The following MAST4 variants were observed in gnomAD, a reference collection of about 807,000 sequenced individuals.
The protein encoded by MAST4 is microtubule associated serine/threonine kinase family member 4.
A neutral mutation model predicts 162.7 loss-of-function variants in MAST4; 89 were observed. The ratio of observed to expected loss-of-function variants is 0.55; its 90% CI spans 0.46 to 0.65. The LOEUF is 0.65. Among genes scored for constraint, MAST4 ranks in the 30% least tolerant of loss-of-function variants. The pLI is 0.00. For synonymous variants in MAST4, 1,479 were observed against 1,361.1 expected, an observed-to-expected ratio of 1.09 and a Z score of -1.91; for missense variants, 3,153 against 3,374.0, an observed-to-expected ratio of 0.93 and a Z score of 1.62.
intron 4 of MAST4, among the ~76,000 whole-genome samples, chr5:67,015,377 G>C (rs1050855346): frequency 6.6e-6 from 1 of 152,152 alleles, no homozygotes; most frequent in Non-Finnish European, 1.5e-5. Context: ...TGTTCCTTCA[G>C]CCACTTAACA....
intron 1 of MAST4, among the ~76,000 whole-genome samples, chr5:66,640,237 T>G (rs1454545466): frequency 6.6e-6 from 1 of 152,204 alleles, no homozygotes; most frequent in Non-Finnish European, 1.5e-5. Flanking sequence ...TTGTCACAAA[T>G]GGCAGAATCT....
At chr5:66,914,431 T>C (rs1715819676) in intron 4 of MAST4, among the ~76,000 whole-genome samples, 1 of 152,134 alleles carries the variant, frequency 6.6e-6, no homozygotes, top group African/African-American at 2.4e-5. Context: ...GGGACGTAGT[T>C]GGGTGGGTGG....
chr5:66,629,828 A>G (rs1744682721), intron 1 of MAST4, among the ~76,000 whole-genome samples: 1 of 152,208 alleles, frequency 6.6e-6, no homozygotes, highest in South Asian at 2.1e-4. Flanking sequence ...ACATTTGAAT[A>G]GGAATATAGT....
In MAST4 at chr5:67,031,313, G is replaced by A. The variant is rs903118147; in HGVS notation, c.675-23091G>A. ...TGGCAGAGGAGGGTCGTCTCTTGTC[G>A]CCTTTTTAGCCTGATTTATTGCCCT... On this transcript the variant is annotated intron_variant, in intron 4 of 28. Coordinates refer to ENST00000403625, the MANE Select transcript of MAST4 (RefSeq NM_001164664.2). Among the ~76,000 whole-genome samples, 4 of 152,050 alleles carry A rather than the reference G, an allele frequency of 2.6e-5. No homozygotes were observed. The East Asian group carries it at 5.8e-4, about 22-fold the overall frequency.
At chr5:66,697,883 AG>A (rs1749506005) in intron 1 of MAST4, among the ~76,000 whole-genome samples, 1 of 152,196 alleles carries the variant, frequency 6.6e-6, no homozygotes, top group East Asian at 1.9e-4. Flanking sequence ...ATGAGTACAA[AG>A]GGGGCCTGAA....
At chr5:66,817,168 C>A (rs1194834765) in intron 3 of MAST4, among the ~76,000 whole-genome samples, 1 of 152,152 alleles carries the variant, frequency 6.6e-6, no homozygotes, top group Non-Finnish European at 1.5e-5. Flanking sequence ...TTTCCTCTGT[C>A]TATTCTTAAC....
intron 1 of MAST4, among the ~76,000 whole-genome samples, chr5:66,639,401 A>G (rs940445550): frequency 5.3e-5 from 8 of 152,092 alleles, no homozygotes; most frequent in Non-Finnish European, 1.2e-4. Context: ...TGTTTTGTAC[A>G]TTTGATTTTT....
At chr5:66,931,918 C>T (rs772607232) in intron 4 of MAST4, among the ~76,000 whole-genome samples, 2 of 152,082 alleles carry the variant, frequency 1.3e-5, no homozygotes, top group Admixed American at 6.6e-5. Context: ...CCTGAAACCA[C>T]GTTATCTTCA....
At chr5:66,692,933 T>A (rs936324229) in intron 1 of MAST4, among the ~76,000 whole-genome samples, 1 of 151,886 alleles carries the variant, frequency 6.6e-6, no homozygotes, top group South Asian at 2.1e-4. Context: ...GTCCATTGAA[T>A]AATGAAATCT....
At chr5:67,008,544 G>A (rs1349580931) in intron 4 of MAST4, among the ~76,000 whole-genome samples, 1 of 152,204 alleles carries the variant, frequency 6.6e-6, no homozygotes, top group African/African-American at 2.4e-5. Context: ...GCAGTCTTGA[G>A]AATCCAGAAG....
chr5:67,000,182 C>A (rs1426351572), intron 4 of MAST4, among the ~76,000 whole-genome samples: 2 of 151,846 alleles, frequency 1.3e-5, no homozygotes, highest in African/African-American at 2.4e-5. Context: ...TTCTAGGTGC[C>A]CTGAAAATGG....
intron 5 of MAST4, among the ~76,000 whole-genome samples, chr5:67,080,533 T>C (rs949814274): frequency 6.6e-6 from 1 of 152,110 alleles, no homozygotes; most frequent in East Asian, 1.9e-4. Context: ...ATTTTCAGAT[T>C]GTCTACTAAA....
intron 1 of MAST4, among the ~76,000 whole-genome samples, chr5:66,599,069 A>T (rs1742386177): frequency 6.6e-6 from 1 of 152,202 alleles, no homozygotes; most frequent in Non-Finnish European, 1.5e-5. Flanking sequence ...GCGGCATGGG[A>T]TGCTGGAAAT....
intron 1 of MAST4, among the ~76,000 whole-genome samples, chr5:66,670,209 C>T (rs1747519662): frequency 3.3e-5 from 5 of 152,058 alleles, no homozygotes; most frequent in African/African-American, 9.7e-5. Flanking sequence ...GCAAATACGC[C>T]AAGGTCAAAT....
intron 18 of MAST4, among the ~76,000 whole-genome samples, chr5:67,135,192 T>A (rs1769461627): frequency 6.6e-6 from 1 of 152,240 alleles, no homozygotes; most frequent in Non-Finnish European, 1.5e-5. Flanking sequence ...ATCCACAGAT[T>A]GTTAATGATT....
chr5:66,941,395 G>A (rs1251087960), intron 4 of MAST4, among the ~76,000 whole-genome samples: 2 of 152,132 alleles, frequency 1.3e-5, no homozygotes, highest in African/African-American at 4.8e-5. Flanking sequence ...CTTGCTGCTT[G>A]CACTTTTATG....
chr5:66,925,215 T>G (rs1764809026), intron 4 of MAST4, among the ~76,000 whole-genome samples: 1 of 152,180 alleles, frequency 6.6e-6, no homozygotes, highest in African/African-American at 2.4e-5. Flanking sequence ...GCCCACAAAA[T>G]TTGCTGCATC....
chr5:67,090,296 T>TC, intron 6 of MAST4, 65 bp downstream of exon 6: 1 of 1,060,270 alleles, frequency 9.4e-7, no homozygotes, highest in Non-Finnish European at 1.4e-6. Context: ...CCTCTCCCTC[T>TC]CCCCACTTCT....
chr5:66,703,983 A>T (rs767478395), intron 1 of MAST4, among the ~76,000 whole-genome samples: 8 of 152,142 alleles, frequency 5.3e-5, no homozygotes, highest in Non-Finnish European at 1.0e-4. Flanking sequence ...TAGGTGGATG[A>T]TGTTGGTCAG....
Sources: gnomAD v4.1 joint callset for allele counts (sites outside exome capture counted in the v4.1 genomes callset) on GRCh38, gnomAD v4.1.1 for gene constraint, MANE v1.5 for transcripts, NCBI Gene and HGNC (gene_info 2026-07-23, HGNC 2026-07-21) for gene names.